TCF12: variants seen among roughly 807,000 people sequenced by gnomAD.
TCF12 encodes the protein transcription factor 12, also known as DNA-binding protein HTF4.
TCF12 carries 45 observed loss-of-function variants against 86.0 expected under a neutral mutation model. The observed-to-expected ratio is 0.52, with a 90% CI of 0.41 to 0.67. The LOEUF is 0.67. Ranked by LOEUF, TCF12 falls within the 30% of genes least tolerant of loss-of-function variation. TCF12 has a pLI of 0.00. For missense variants in TCF12, 881 were observed against 859.9 expected (o/e 1.02, Z -0.31); for synonymous variants, 330 against 299.6 (o/e 1.10, Z -1.05).
chr15:57,169,300 C>T (rs1391689505), intron 6 of TCF12, among the ~76,000 whole-genome samples: 1 of 152,050 alleles, frequency 6.6e-6, no homozygotes, highest in Non-Finnish European at 1.5e-5. Flanking sequence ...ATAAGAATAC[C>T]TCATAACCAT....
At chr15:57,063,595 A>T (rs545894403) in intron 3 of TCF12, among the ~76,000 whole-genome samples, 155 bp from the exon 4 acceptor site, 2 of 152,328 alleles carry the variant, frequency 1.3e-5, no homozygotes, top group South Asian at 4.1e-4. Context: ...CTTTGCAGTA[A>T]CTTATATTTT....
chr15:57,210,892 A>G (rs2058076652), intron 8 of TCF12, among the ~76,000 whole-genome samples: 1 of 152,210 alleles, frequency 6.6e-6, no homozygotes, highest in African/African-American at 2.4e-5. Context: ...TTCTCCAGCC[A>G]AAAGGAGCAA....
chr15:57,219,459 GAT>G (rs1481404795), intron 8 of TCF12: 8 of 1,569,726 alleles, frequency 5.1e-6, no homozygotes, highest in Non-Finnish European at 7.0e-6. Context: ...TGCCTGTGTG[GAT>G]ATATGTCTTG....
At chr15:57,082,553 G>A (rs1206440419) in intron 4 of TCF12, among the ~76,000 whole-genome samples, 3 of 152,246 alleles carry the variant, frequency 2.0e-5, no homozygotes, top group East Asian at 1.9e-4. Context: ...CTACACTAAC[G>A]GTTAAGTGAA....
At chr15:57,248,881 A>G (rs1183155851) in intron 13 of TCF12, among the ~76,000 whole-genome samples, 2 of 152,232 alleles carry the variant, frequency 1.3e-5, no homozygotes, top group Non-Finnish European at 2.9e-5. Context: ...TATTAAGCTA[A>G]TGAACAATCT....
intron 8 of TCF12, among the ~76,000 whole-genome samples, chr15:57,218,671 C>T (rs1181708023): frequency 2.6e-5 from 4 of 151,966 alleles, no homozygotes; most frequent in Admixed American, 6.6e-5. Flanking sequence ...TAAGAACAGT[C>T]CTATTGCAGG....
chr15:57,091,977 T>C, intron 5 of TCF12, 86 bp downstream of exon 5: 1 of 1,102,340 alleles, frequency 9.1e-7, no homozygotes. Flanking sequence ...GAGGGACAGG[T>C]AAGTATCTAG....
At chr15:57,198,641 T>G (rs1352251918) in intron 8 of TCF12, among the ~76,000 whole-genome samples, 1 of 152,200 alleles carries the variant, frequency 6.6e-6, no homozygotes, top group African/African-American at 2.4e-5. Context: ...CGGAAGTTTT[T>G]TTTTCTTCTC....
intron 3 of TCF12, among the ~76,000 whole-genome samples, chr15:57,001,609 G>T (rs1406434802): frequency 6.6e-6 from 1 of 152,154 alleles, no homozygotes; most frequent in African/African-American, 2.4e-5. Context: ...AGAAAGCAGA[G>T]CACCTGTCTA....
Position 57,056,385 on chromosome 15 carries a change from A to G in TCF12, c.149-7365A>G, listed in dbSNP as rs559187005. On this transcript the variant is annotated intron_variant, in intron 3 of 20. Transcript: ENST00000333725. ...TCGAACTCCTGACCTCAGGTGATCCACCTGCCTCAGCCTCCCGTAGTGCTG... is the reference window on the plus strand; with the variant it reads ...TCGAACTCCTGACCTCAGGTGATCCGCCTGCCTCAGCCTCCCGTAGTGCTG... Among the ~76,000 whole-genome samples the G allele has an allele frequency of 7.2e-5, 11 of 151,978 alleles. No homozygotes were observed. The East Asian group carries it at 1.4e-3, about 19-fold the overall frequency.
chr15:57,186,129 TAAG>T (rs1486112762), intron 6 of TCF12, among the ~76,000 whole-genome samples: 2 of 152,218 alleles, frequency 1.3e-5, no homozygotes, highest in East Asian at 3.9e-4. Context: ...AAAACTGGCT[TAAG>T]AAGAAATAGA....
intron 5 of TCF12, among the ~76,000 whole-genome samples, chr15:57,148,641 G>A (rs2053535424): frequency 6.6e-6 from 1 of 150,650 alleles, no homozygotes; most frequent in African/African-American, 2.4e-5. Context: ...CAACACTTGG[G>A]AGGCTGAGGT....
At chr15:56,969,075 CTG>C (rs1332433743) in intron 3 of TCF12, among the ~76,000 whole-genome samples, 2 of 152,130 alleles carry the variant, frequency 1.3e-5, no homozygotes, top group East Asian at 3.9e-4. Flanking sequence ...AGAGGGATGA[CTG>C]TGTTCTGTTT....
chr15:57,027,764 C>T (rs1342095534), intron 3 of TCF12, among the ~76,000 whole-genome samples: 2 of 152,094 alleles, frequency 1.3e-5, no homozygotes, highest in South Asian at 4.2e-4. Flanking sequence ...CCACGTGAAT[C>T]ATGGGAGTGA....
intron 3 of TCF12, among the ~76,000 whole-genome samples, chr15:57,020,999 A>G (rs1387371840): frequency 6.6e-6 from 1 of 152,126 alleles, no homozygotes; most frequent in Non-Finnish European, 1.5e-5. Context: ...GACTTTATGT[A>G]TGTTATACTA....
At chr15:57,158,105 C>T (rs1302874946) in intron 5 of TCF12, among the ~76,000 whole-genome samples, 2 of 151,334 alleles carry the variant, frequency 1.3e-5, no homozygotes, top group Non-Finnish European at 2.9e-5. Flanking sequence ...AAGTGGAGAG[C>T]ATGAGGAAGG....
intron 5 of TCF12, among the ~76,000 whole-genome samples, chr15:57,136,878 T>TA (rs1341547357): frequency 6.6e-6 from 1 of 151,338 alleles, no homozygotes; most frequent in Non-Finnish European, 1.5e-5. Flanking sequence ...CTTGAACTCT[T>TA]AGGCTCAAAT....
chr15:57,155,381 A>C (rs2054044530), intron 5 of TCF12, among the ~76,000 whole-genome samples: 1 of 152,220 alleles, frequency 6.6e-6, no homozygotes, highest in Non-Finnish European at 1.5e-5. Context: ...CAAGAAGTTG[A>C]GACTGGCCTT....
intron 3 of TCF12, among the ~76,000 whole-genome samples, chr15:56,955,935 A>T (rs1363343991): frequency 6.6e-6 from 1 of 152,186 alleles, no homozygotes; most frequent in Non-Finnish European, 1.5e-5. Context: ...ATTAATGCTT[A>T]GTAGTATTAT....
Sources: gnomAD v4.1 joint callset for allele counts (sites outside exome capture counted in the v4.1 genomes callset) on GRCh38, gnomAD v4.1.1 for gene constraint, MANE v1.5 for transcripts, NCBI Gene and HGNC (gene_info 2026-07-23, HGNC 2026-07-21) for gene names.